The following CLSTN2 variants were observed in gnomAD, a reference collection of about 807,000 sequenced individuals.
The protein encoded by CLSTN2 is calsyntenin 2, also known as calsyntenin-2.
Under a neutral mutation model 101.2 loss-of-function variants are expected in CLSTN2, and 48 were observed. The ratio of observed to expected loss-of-function variants is 0.47; its 90% CI spans 0.38 to 0.60. The LOEUF (loss-of-function observed/expected upper bound fraction) is 0.60. Among genes scored for constraint, CLSTN2 ranks in the 20% least tolerant of loss-of-function variants. The probability of loss-of-function intolerance (pLI) is 0.00; values close to 1 mark genes in which losing one functional copy is unlikely to be tolerated. For missense variants in CLSTN2, 1,160 were observed against 1,238.2 expected (o/e 0.94, Z 0.95); for synonymous variants, 481 against 463.6 (o/e 1.04, Z -0.48).
chr3:140,432,845 A>T (rs1034416497), intron 5 of CLSTN2, among the ~76,000 whole-genome samples: 1 of 152,232 alleles, frequency 6.6e-6, no homozygotes, highest in Non-Finnish European at 1.5e-5. Context: ...CTCAATAATA[A>T]TAACAGTAAT....
chr3:140,061,642 G>A (rs554482029), intron 1 of CLSTN2, among the ~76,000 whole-genome samples: 11 of 152,256 alleles, frequency 7.2e-5, no homozygotes, highest in Non-Finnish European at 1.0e-4. Flanking sequence ...AACTCCTGCC[G>A]GGCTCTAAAC....
chr3:139,962,082 A>G (rs1284977068), intron 1 of CLSTN2, among the ~76,000 whole-genome samples: 1 of 152,140 alleles, frequency 6.6e-6, no homozygotes, highest in African/African-American at 2.4e-5. Flanking sequence ...TTTTTTCATT[A>G]TAAATAATTC....
chr3:139,988,995 A>T (rs775633294), intron 1 of CLSTN2, among the ~76,000 whole-genome samples: 1 of 152,198 alleles, frequency 6.6e-6, no homozygotes, highest in Non-Finnish European at 1.5e-5. Context: ...CTCCCTCCTC[A>T]GCAAGGGCAG....
chr3:140,089,971 CTTTTT>C (rs58418539), intron 1 of CLSTN2, among the ~76,000 whole-genome samples: 3,239 of 49,334 alleles, frequency 0.066, 66 homozygotes, highest in African/African-American at 0.08. Flanking sequence ...CTAGGATTGG[CTTTTT>C]TTTTTTTTTT....
intron 8 of CLSTN2, among the ~76,000 whole-genome samples, chr3:140,504,361 A>G (rs1232043229): frequency 6.6e-6 from 1 of 151,858 alleles, no homozygotes; most frequent in Non-Finnish European, 1.5e-5. Flanking sequence ...TATTTTTCTC[A>G]TGCCAAAAAA....
intron 1 of CLSTN2, among the ~76,000 whole-genome samples, chr3:139,956,614 C>T (rs976075608): frequency 6.6e-6 from 1 of 152,060 alleles, no homozygotes; most frequent in African/African-American, 2.4e-5. Context: ...TTCCTGTTTT[C>T]AGGTGAAAAG....
chr3:140,152,606 G>A (rs1379476879), intron 1 of CLSTN2, among the ~76,000 whole-genome samples: 1 of 152,110 alleles, frequency 6.6e-6, no homozygotes, highest in Non-Finnish European at 1.5e-5. Context: ...TTGCTGCTGT[G>A]GACTACACTG....
At position 140,203,461 on chromosome 3, in the gene CLSTN2, G is replaced by GTTTTTTTGT. The variant is rs2010743308; in HGVS notation, c.232+27395_232+27396insGTTTTTTTT. On this transcript the variant is annotated intron_variant, in intron 2 of 16. Coordinates refer to ENST00000458420, the MANE Select transcript of CLSTN2 (RefSeq NM_022131.3). ...GAAGAGGGGTTAAGAGAAAGTGTGG[G>GTTTTTTTGT]TTTTTTTTTTTTTTTTTTTTTTTTT... 2.9e-5 allele frequency among the ~76,000 whole-genome samples: 2 copies of GTTTTTTTGT among 67,898 alleles called. 1 individual carries two copies. The allele number at this position is 67,898 out of a possible 152,430, so 44.5% of individuals were successfully genotyped here. A position where few individuals can be genotyped will look rare whatever the true frequency, so the allele number is the denominator to read the frequency against.
chr3:140,369,081 T>C (rs1421463566), intron 2 of CLSTN2, among the ~76,000 whole-genome samples: 2 of 152,160 alleles, frequency 1.3e-5, no homozygotes, highest in Non-Finnish European at 2.9e-5. Flanking sequence ...TTGCCAGCTT[T>C]TTCTGGGTCA....
At chr3:140,149,262 G>T (rs184683693) in intron 1 of CLSTN2, among the ~76,000 whole-genome samples, 1 of 152,280 alleles carries the variant, frequency 6.6e-6, no homozygotes, top group East Asian at 1.9e-4. Context: ...AGCATGGTAA[G>T]CAGAAACTTT....
rs565965894 is a variant in CLSTN2, at chr3:140,405,418, G to C, written c.637+652G>C. On this transcript the variant is annotated intron_variant, in intron 4 of 16. Transcript: ENST00000458420. ...AATTTTGTATTTTTAGTGGAGATGG[G>C]GTTTTACCATGTTGGTCAGGCCAGT... Among the ~76,000 whole-genome samples the C allele has an allele frequency of 3.2e-3, 487 of 152,178 alleles. 2 individuals carry two copies. Among genetic ancestry groups the C allele is most frequent in the Non-Finnish European group, 5.7e-3 (385 of 68,014 alleles).
At chr3:140,160,715 AG>A (rs1355942086) in intron 1 of CLSTN2, among the ~76,000 whole-genome samples, 1 of 152,008 alleles carries the variant, frequency 6.6e-6, no homozygotes, top group Admixed American at 6.6e-5. Flanking sequence ...GTCAACCAAA[AG>A]TTGTTCAGAA....
At position 140,404,680 on chromosome 3, in the gene CLSTN2, T is replaced by C. The variant is rs2088283133; in HGVS notation, c.551T>C (p.Ile184Thr). Residue 184 changes from isoleucine to threonine, a missense_variant, in exon 4 of 17, where the codon ATT becomes ACT. Transcript: ENST00000458420. ...IYDSILQVEAIDEDCSPQYSQ... is the reference protein window; with the variant it reads ...IYDSILQVEATDEDCSPQYSQ... The stretch of plus-strand genomic sequence containing the variant: ...GACAGCATTCTGCAGGTGGAGGCCA[T>C]TGACGAGGACTGCTCCCCACAGTAC... The C allele has an allele frequency of 6.2e-7, 1 of 1,614,200 alleles. No homozygotes were observed. The highest frequency in any genetic ancestry group is 1.3e-5 in the African/African-American group (1 of 75,058).
chr3:140,159,340 C>T (rs1431717982), intron 1 of CLSTN2, among the ~76,000 whole-genome samples: 1 of 151,854 alleles, frequency 6.6e-6, no homozygotes, highest in Non-Finnish European at 1.5e-5. Flanking sequence ...AGAAAACATC[C>T]CCATTAAAAA....
At chr3:140,352,604 A>G (rs767831458) in intron 2 of CLSTN2, among the ~76,000 whole-genome samples, 32 of 152,354 alleles carry the variant, frequency 2.1e-4, no homozygotes, top group Middle Eastern at 3.4e-3. Context: ...GGATGTGCTC[A>G]TTAACAATGA....
intron 1 of CLSTN2, among the ~76,000 whole-genome samples, chr3:140,159,024 T>G (rs2010003895): frequency 6.6e-6 from 1 of 152,116 alleles, no homozygotes; most frequent in African/African-American, 2.4e-5. Context: ...TGTGCAAAAA[T>G]TAACTCAAAT....
chr3:140,118,527 G>A (rs184398298), intron 1 of CLSTN2, among the ~76,000 whole-genome samples: 3 of 152,224 alleles, frequency 2.0e-5, no homozygotes, highest in Admixed American at 1.3e-4. Context: ...TTTCACTGTC[G>A]ACAGTGGTTA....
intron 2 of CLSTN2, among the ~76,000 whole-genome samples, chr3:140,274,226 C>T (rs1389382951): frequency 1.3e-5 from 2 of 152,144 alleles, no homozygotes; most frequent in Non-Finnish European, 2.9e-5. Flanking sequence ...CATGGGTTAA[C>T]ACTCTGCTTC....
intron 1 of CLSTN2, among the ~76,000 whole-genome samples, chr3:140,113,970 G>A (rs72984179): frequency 0.029 from 4,359 of 152,252 alleles, 183 homozygotes; most frequent in African/African-American, 0.094. Context: ...TAACTGTGTT[G>A]GATCAGGCCA....
Sources: gnomAD v4.1 joint callset for allele counts (sites outside exome capture counted in the v4.1 genomes callset) on GRCh38, gnomAD v4.1.1 for gene constraint, MANE v1.5 for transcripts, NCBI Gene and HGNC (gene_info 2026-07-23, HGNC 2026-07-21) for gene names.